The following TMEM132D variants were observed in gnomAD, a reference collection of about 807,000 sequenced individuals.
The protein encoded by TMEM132D is transmembrane protein 132D.
In TMEM132D, 21 loss-of-function variants were observed where a neutral mutation model predicts 62.3. That is an observed-to-expected ratio of 0.34 (90% CI 0.24 to 0.49). The LOEUF (loss-of-function observed/expected upper bound fraction) is 0.49, where lower values mean the gene tolerates loss of function less well. Ranked by LOEUF, TMEM132D falls within the 20% of genes least tolerant of loss-of-function variation. The probability of loss-of-function intolerance (pLI) is 0.99; values close to 1 mark genes in which losing one functional copy is unlikely to be tolerated. For missense variants in TMEM132D, 1,346 were observed against 1,402.8 expected, an observed-to-expected ratio of 0.96 and a Z score of 0.65; for synonymous variants, 621 against 575.6, an observed-to-expected ratio of 1.08 and a Z score of -1.13.
At chr12:129,332,169 C>A (rs1368432504) in intron 4 of TMEM132D, among the ~76,000 whole-genome samples, 1 of 152,134 alleles carries the variant, frequency 6.6e-6, no homozygotes. Flanking sequence ...CCTTTAATGA[C>A]CTTTTCCCTC....
intron 2 of TMEM132D, among the ~76,000 whole-genome samples, chr12:129,627,295 G>T (rs1299791229): frequency 2.0e-5 from 3 of 152,162 alleles, no homozygotes; most frequent in African/African-American, 7.2e-5. Context: ...CATTTTCTAT[G>T]CTTACACATG....
In TMEM132D at chr12:129,269,780, C is replaced by T. The variant is rs571243565; in HGVS notation, c.1300-60117G>A. On this transcript the variant is annotated intron_variant, in intron 4 of 8. Coordinates refer to ENST00000422113, the MANE Select transcript of TMEM132D (RefSeq NM_133448.3). ...GGTCTCTCGTGTCTCGTTATTCGGT[C>T]GCAGTTGCATGAGCTTCCTCAGAGC... Among the ~76,000 whole-genome samples, 131 of 152,232 alleles carry T rather than the reference C, an allele frequency of 8.6e-4. No individual in the cohort carries two copies. The South Asian group carries it at 0.021, about 24-fold the overall frequency.
intron 1 of TMEM132D, among the ~76,000 whole-genome samples, chr12:129,895,375 A>C (rs890564105): frequency 6.6e-6 from 1 of 152,188 alleles, no homozygotes; most frequent in Non-Finnish European, 1.5e-5. Flanking sequence ...CCACCCAATG[A>C]TTTCAGGGAT....
chr12:129,124,172 C>T (rs1001175558), intron 5 of TMEM132D, among the ~76,000 whole-genome samples: 1 of 152,134 alleles, frequency 6.6e-6, no homozygotes, highest in Non-Finnish European at 1.5e-5. Flanking sequence ...GGCTCCGTGG[C>T]TCCCATGTGG....
At chr12:129,290,617 A>T (rs931046222) in intron 4 of TMEM132D, among the ~76,000 whole-genome samples, 7 of 152,234 alleles carry the variant, frequency 4.6e-5, no homozygotes, top group African/African-American at 1.4e-4. Context: ...AAGTATAGAA[A>T]AAGGTTTAGA....
intron 3 of TMEM132D, among the ~76,000 whole-genome samples, chr12:129,506,470 G>A (rs1875333853): frequency 6.6e-6 from 1 of 152,044 alleles, no homozygotes; most frequent in South Asian, 2.1e-4. Context: ...ACTATAAGGC[G>A]ATAGTCACCA....
At chr12:129,340,793 T>C (rs1566038590) in intron 3 of TMEM132D, among the ~76,000 whole-genome samples, 2 of 152,230 alleles carry the variant, frequency 1.3e-5, no homozygotes, top group Non-Finnish European at 2.9e-5. Context: ...TGCACACGTA[T>C]GTTTATTGCG....
rs375912518 is a variant in TMEM132D, at chr12:129,366,326, C to T, written c.1116-28509G>A. Among the ~76,000 whole-genome samples, 4 of 152,236 alleles carry T rather than the reference C, an allele frequency of 2.6e-5. No homozygotes were observed. The East Asian group carries it at 5.8e-4, about 22-fold the overall frequency. The stretch of plus-strand genomic sequence containing the variant: ...TCTCATGAATTCTTTAGAACCATCC[C>T]CTTGGCACTGTCCTTGCAAATATGA... On this transcript the variant is annotated intron_variant, in intron 3 of 8. Coordinates refer to ENST00000422113, the MANE Select transcript of TMEM132D (RefSeq NM_133448.3).
At chr12:129,644,006 C>A (rs1303753795) in intron 2 of TMEM132D, among the ~76,000 whole-genome samples, 1 of 152,062 alleles carries the variant, frequency 6.6e-6, no homozygotes, top group Non-Finnish European at 1.5e-5. Context: ...AGGCATGTGC[C>A]ACCAGGCCCA....
At chr12:129,411,166 T>C (rs979610633) in intron 3 of TMEM132D, among the ~76,000 whole-genome samples, 21 of 152,190 alleles carry the variant, frequency 1.4e-4, no homozygotes, top group African/African-American at 4.8e-4. Context: ...TACATAATTA[T>C]GTCACCTGTA....
chr12:129,307,127 A>C (rs1881864990), intron 4 of TMEM132D, among the ~76,000 whole-genome samples: 1 of 151,382 alleles, frequency 6.6e-6, no homozygotes, highest in Admixed American at 6.6e-5. Context: ...TCTTAGAGGT[A>C]CTATTCAAAT....
intron 1 of TMEM132D, among the ~76,000 whole-genome samples, chr12:129,798,109 C>T (rs919178515): frequency 6.6e-6 from 1 of 152,172 alleles, no homozygotes; most frequent in Non-Finnish European, 1.5e-5. Flanking sequence ...ACTGGCTTCC[C>T]ATTCCCCTCC....
chr12:129,151,102 C>T (rs891775755), intron 5 of TMEM132D, among the ~76,000 whole-genome samples: 2 of 152,186 alleles, frequency 1.3e-5, no homozygotes, highest in Non-Finnish European at 2.9e-5. Flanking sequence ...CTTCACGAGG[C>T]ACATCCACCA....
intron 5 of TMEM132D, among the ~76,000 whole-genome samples, chr12:129,133,838 A>G (rs146048199): frequency 8.5e-5 from 13 of 152,304 alleles, no homozygotes; most frequent in South Asian, 2.1e-4. Context: ...AATATAAATT[A>G]TATCCTGGCT....
chr12:129,769,040 G>C (rs1279082868), intron 1 of TMEM132D, among the ~76,000 whole-genome samples: 1 of 152,196 alleles, frequency 6.6e-6, no homozygotes, highest in Non-Finnish European at 1.5e-5. Context: ...AGCCTGTTCA[G>C]TTGTGGCCAT....
intron 5 of TMEM132D, among the ~76,000 whole-genome samples, chr12:129,167,027 G>C (rs140351474): frequency 0.036 from 5,398 of 152,024 alleles, 193 homozygotes; most frequent in East Asian, 0.13. Flanking sequence ...AGGCATGTTG[G>C]TGCATGCCTG....
chr12:129,223,056 C>T (rs1018863417), intron 4 of TMEM132D, among the ~76,000 whole-genome samples: 2 of 151,976 alleles, frequency 1.3e-5, no homozygotes, highest in African/African-American at 4.8e-5. Flanking sequence ...CTCAATAAAG[C>T]TGGGGGGAGA....
chr12:129,678,631 A>T (rs1309703433), intron 2 of TMEM132D, among the ~76,000 whole-genome samples: 5 of 152,128 alleles, frequency 3.3e-5, no homozygotes, highest in East Asian at 1.9e-4. Flanking sequence ...GGCTTATTTT[A>T]AAAATGTAGT....
At chr12:129,373,486 G>T (rs745798320) in intron 3 of TMEM132D, among the ~76,000 whole-genome samples, 2 of 152,006 alleles carry the variant, frequency 1.3e-5, no homozygotes, top group Non-Finnish European at 2.9e-5. Context: ...CAAAAAATTA[G>T]CCAGGCTCGG....
Sources: gnomAD v4.1 joint callset for allele counts (sites outside exome capture counted in the v4.1 genomes callset) on GRCh38, gnomAD v4.1.1 for gene constraint, MANE v1.5 for transcripts, NCBI Gene and HGNC (gene_info 2026-07-23, HGNC 2026-07-21) for gene names.